Variants in BRINP3 observed in about 807,000 individuals in gnomAD.
BRINP3 encodes BMP/retinoic acid inducible neural specific 3, also known as BMP/retinoic acid-inducible neural-specific protein 3.
BRINP3 carries 19 observed loss-of-function variants against 71.0 expected under a neutral mutation model. The ratio of observed to expected loss-of-function variants is 0.27; its 90% CI spans 0.19 to 0.39. BRINP3 has a LOEUF of 0.39. Among genes scored for constraint, BRINP3 ranks in the 10% least tolerant of loss-of-function variants. The pLI, the probability that BRINP3 is intolerant of heterozygous loss-of-function variation, is 1.00. For synonymous variants in BRINP3, 380 were observed against 337.7 expected (o/e 1.13, Z -1.37); for missense variants, 959 against 940.8 (o/e 1.02, Z -0.25).
intron 2 of BRINP3, among the ~76,000 whole-genome samples, chr1:190,422,558 G>A (rs1424277490): frequency 2.0e-5 from 3 of 151,762 alleles, no homozygotes; most frequent in African/African-American, 7.2e-5. Context: ...GTTCCCTGAT[G>A]TGCTAGGTAA....
chr1:190,264,200 ATTTTCTTTT>A (rs949244667), intron 4 of BRINP3, among the ~76,000 whole-genome samples: 1 of 145,732 alleles, frequency 6.9e-6, no homozygotes. Flanking sequence ...TCTTTCTCTC[ATTTTCTTTT>A]TTTTCTTTTG....
chr1:190,423,665 A>C (rs544272262), intron 2 of BRINP3, among the ~76,000 whole-genome samples: 1 of 151,946 alleles, frequency 6.6e-6, no homozygotes, highest in South Asian at 2.1e-4. Flanking sequence ...TGAAAGAATG[A>C]ACTATTTATT....
chr1:190,287,743 G>A (rs1417267228), intron 2 of BRINP3, among the ~76,000 whole-genome samples: 1 of 152,106 alleles, frequency 6.6e-6, no homozygotes, highest in African/African-American at 2.4e-5. Context: ...GTAACCTCAT[G>A]ACTATCATTG....
At chr1:190,143,253 A>T (rs372817682) in intron 7 of BRINP3, among the ~76,000 whole-genome samples, 1 of 152,226 alleles carries the variant, frequency 6.6e-6, no homozygotes, top group African/African-American at 2.4e-5. Flanking sequence ...TACCACATGG[A>T]GACTGCTGGC....
chr1:190,253,658 T>C (rs1420062211), intron 4 of BRINP3, among the ~76,000 whole-genome samples: 1 of 152,212 alleles, frequency 6.6e-6, no homozygotes, highest in Non-Finnish European at 1.5e-5. Flanking sequence ...TTAAATTCTT[T>C]GTGGATTCTG....
At chr1:190,446,248 A>C (rs1675212403) in intron 2 of BRINP3, among the ~76,000 whole-genome samples, 3 of 152,214 alleles carry the variant, frequency 2.0e-5, no homozygotes, top group South Asian at 4.1e-4. Flanking sequence ...ATTGTTGTTG[A>C]ACACATATAT....
intron 4 of BRINP3, among the ~76,000 whole-genome samples, chr1:190,240,903 A>C (rs1659019759): frequency 2.2e-5 from 3 of 137,572 alleles, no homozygotes; most frequent in African/African-American, 5.3e-5. Flanking sequence ...AAAAAAAACC[A>C]CCCTCAAGGT....
intron 2 of BRINP3, among the ~76,000 whole-genome samples, chr1:190,450,225 AG>A (rs913697839): frequency 2.0e-5 from 3 of 152,156 alleles, no homozygotes; most frequent in African/African-American, 4.8e-5. Flanking sequence ...GCTTCTGAGT[AG>A]TTAGCTGATG....
intron 2 of BRINP3, among the ~76,000 whole-genome samples, chr1:190,377,756 GA>G (rs1670276293): frequency 6.6e-6 from 1 of 151,514 alleles, no homozygotes; most frequent in Admixed American, 6.6e-5. Flanking sequence ...ATCTGAAAAT[GA>G]AATTAAGAAA....
intron 2 of BRINP3, among the ~76,000 whole-genome samples, chr1:190,391,286 T>C (rs1671236395): frequency 6.6e-6 from 1 of 151,802 alleles, no homozygotes; most frequent in African/African-American, 2.4e-5. Context: ...AGGGACAGTA[T>C]TATGGAGAAT....
At chr1:190,277,425 C>T (rs868088213) in intron 3 of BRINP3, among the ~76,000 whole-genome samples, 1 of 151,180 alleles carries the variant, frequency 6.6e-6, no homozygotes. Context: ...TTGGATAACG[C>T]TATATAATTC....
At position 190,234,417 on chromosome 1, in the gene BRINP3, T is replaced by A; in HGVS notation, c.679A>T (p.Ser227Cys). Residue 227 changes from serine to cysteine, a missense_variant, in exon 5 of 8, where the codon AGT becomes TGT. Physicochemically the swap from Ser to Cys is moderately radical, Grantham distance 112. Coordinates refer to ENST00000367462, the MANE Select transcript of BRINP3 (RefSeq NM_199051.3). ...TCAGGACTCTGAACCAGAACAGAAC[T>A]GACAGAATCTAGGTTGTCATAGTTA... ...CSNYDNLDSVSSVLVQSPENK... is the reference protein window; with the variant it reads ...CSNYDNLDSVCSVLVQSPENK... The A allele has an allele frequency of 6.2e-7, 1 of 1,612,852 alleles. No individual in the cohort carries two copies. Among genetic ancestry groups the A allele is most frequent in the Non-Finnish European group, 8.5e-7 (1 of 1,179,242 alleles).
chr1:190,230,110 C>A (rs1039243911), intron 5 of BRINP3, among the ~76,000 whole-genome samples: 2 of 151,032 alleles, frequency 1.3e-5, no homozygotes, highest in Non-Finnish European at 3.0e-5. Flanking sequence ...CAGAAGAATA[C>A]GTTTAAAAGG....
chr1:190,372,579 T>C (rs978354921), intron 2 of BRINP3, among the ~76,000 whole-genome samples: 14 of 152,162 alleles, frequency 9.2e-5, no homozygotes, highest in African/African-American at 3.1e-4. Flanking sequence ...AGGTCTGTGT[T>C]AATGTACTTT....
At chr1:190,421,022 G>C (rs1673343519) in intron 2 of BRINP3, among the ~76,000 whole-genome samples, 1 of 151,612 alleles carries the variant, frequency 6.6e-6, no homozygotes, top group African/African-American at 2.4e-5. Flanking sequence ...TTCTCACTTA[G>C]TATGAAAAGA....
intron 6 of BRINP3, among the ~76,000 whole-genome samples, chr1:190,205,922 A>T (rs187642210): frequency 9.9e-4 from 149 of 151,184 alleles, no homozygotes; most frequent in Non-Finnish European, 1.7e-3. Flanking sequence ...ATGAGAGTTT[A>T]TTTTTTTTTC....
chr1:190,226,076 T>C lies in BRINP3; in HGVS notation c.961+6A>G, dbSNP rs1657347894. 1 of 1,553,546 alleles carries C rather than the reference T, an allele frequency of 6.4e-7. No homozygotes were observed. Among genetic ancestry groups the C allele is most frequent in the African/African-American group, 1.4e-5 (1 of 72,582 alleles). ...TAAAAGTGTTATATTAAAATACATG[T>C]CTTACCTGATTCCTCAAAGTCACTG... On this transcript the variant is annotated splice_donor_region_variant and intron_variant, in intron 6 of 7. Coordinates refer to ENST00000367462, the MANE Select transcript of BRINP3 (RefSeq NM_199051.3).
chr1:190,111,203 A>C (rs1314965321), intron 7 of BRINP3, among the ~76,000 whole-genome samples: 18 of 151,040 alleles, frequency 1.2e-4, no homozygotes, highest in Admixed American at 1.1e-3. Context: ...AAAAAAAAAA[A>C]AAAAACTTTA....
chr1:190,333,201 A>G (rs1667077311), intron 2 of BRINP3, among the ~76,000 whole-genome samples: 1 of 151,992 alleles, frequency 6.6e-6, no homozygotes, highest in African/African-American at 2.4e-5. Context: ...TTTATAGATG[A>G]GAAAATCAAT....
Sources: allele counts gnomAD v4.1 joint callset (sites outside exome capture counted in the v4.1 genomes callset), GRCh38; gene constraint gnomAD v4.1.1; transcripts MANE v1.5; gene names NCBI Gene and HGNC (gene_info 2026-07-23, HGNC 2026-07-21).